Variants in ANKFN1 observed in about 807,000 individuals in gnomAD.
ANKFN1 encodes ankyrin repeat and fibronectin type-III domain-containing protein 1.
A neutral mutation model predicts 108.7 loss-of-function variants in ANKFN1; 74 were observed. The observed-to-expected ratio is 0.68, with a 90% CI of 0.56 to 0.83. The LOEUF is 0.83. ANKFN1 is among the 40% of genes least tolerant of loss of function. The probability of loss-of-function intolerance (pLI) is 0.00; values close to 1 mark genes in which losing one functional copy is unlikely to be tolerated. For missense variants in ANKFN1, 1,505 were observed against 1,382.3 expected, an observed-to-expected ratio of 1.09 and a Z score of -1.41; for synonymous variants, 547 against 516.2, an observed-to-expected ratio of 1.06 and a Z score of -0.81.
At chr17:56,088,189 A>T (rs796729732) in intron 4 of ANKFN1, among the ~76,000 whole-genome samples, 1 of 151,304 alleles carries the variant, frequency 6.6e-6, no homozygotes, top group Non-Finnish European at 1.5e-5. Context: ...TGATTAACAC[A>T]TCTCGTTTTT....
intron 3 of ANKFN1, among the ~76,000 whole-genome samples, chr17:56,315,992 C>T (rs1460795141): frequency 6.6e-6 from 1 of 152,204 alleles, no homozygotes; most frequent in Non-Finnish European, 1.5e-5. Flanking sequence ...TCTTTCTTCT[C>T]CAATTCATTA....
At chr17:56,446,899 C>T (rs967301369) in intron 10 of ANKFN1, among the ~76,000 whole-genome samples, 24 of 150,964 alleles carry the variant, frequency 1.6e-4, no homozygotes, top group South Asian at 2.1e-4. Flanking sequence ...AATGAGACTC[C>T]GTCTCAAAAC....
At chr17:56,198,549 G>T (rs1426254506) in intron 1 of ANKFN1, among the ~76,000 whole-genome samples, 1 of 152,198 alleles carries the variant, frequency 6.6e-6, no homozygotes, top group Middle Eastern at 3.2e-3. Flanking sequence ...CCAGTCTGCA[G>T]CCTGGGGGTT....
chr17:56,278,937 GA>G (rs954275520), intron 3 of ANKFN1, among the ~76,000 whole-genome samples: 54 of 152,272 alleles, frequency 3.5e-4, no homozygotes, highest in African/African-American at 1.3e-3. Context: ...ATTTAGTGTG[GA>G]TTTTTTTTTT....
intron 8 of ANKFN1, among the ~76,000 whole-genome samples, chr17:56,419,206 G>A (rs1598573502): frequency 6.6e-6 from 1 of 152,202 alleles, no homozygotes; most frequent in South Asian, 2.1e-4. Flanking sequence ...TTGGGGCCAG[G>A]TGCAGTGGCT....
chr17:56,197,057 T>A (rs1913580651), intron 1 of ANKFN1, among the ~76,000 whole-genome samples: 1 of 152,232 alleles, frequency 6.6e-6, no homozygotes, highest in Non-Finnish European at 1.5e-5. Flanking sequence ...GAAAGAAGAT[T>A]TGTCTCCCAG....
intron 3 of ANKFN1, among the ~76,000 whole-genome samples, chr17:56,260,922 C>T (rs1598318725): frequency 6.6e-6 from 1 of 152,220 alleles, no homozygotes; most frequent in Non-Finnish European, 1.5e-5. Context: ...AGTTAACTTA[C>T]TCCTCTTTTG....
intron 3 of ANKFN1, among the ~76,000 whole-genome samples, chr17:56,233,158 G>A (rs1916860948): frequency 6.6e-6 from 1 of 151,992 alleles, no homozygotes; most frequent in African/African-American, 2.4e-5. Flanking sequence ...TAGTTGTATT[G>A]TTGTTGCTTT....
At chr17:56,094,801 T>A (rs115587405) in intron 4 of ANKFN1, among the ~76,000 whole-genome samples, 8 of 150,358 alleles carry the variant, frequency 5.3e-5, no homozygotes, top group African/African-American at 2.0e-4. Context: ...ATTACAGGCA[T>A]GAGCCATAGC....
chr17:56,275,394 C>T (rs1298998142), intron 3 of ANKFN1, among the ~76,000 whole-genome samples: 7 of 151,090 alleles, frequency 4.6e-5, no homozygotes, highest in Non-Finnish European at 8.8e-5. Context: ...ATAGAGGTTT[C>T]GGCTGAATAC....
intron 4 of ANKFN1, among the ~76,000 whole-genome samples, chr17:56,347,631 C>A (rs1206486713): frequency 6.6e-6 from 1 of 151,982 alleles, no homozygotes; most frequent in Admixed American, 6.6e-5. Flanking sequence ...AGAAAGTTGT[C>A]TTTCTTACCA....
At chr17:56,186,808 T>A (rs1912256159) in intron 1 of ANKFN1, among the ~76,000 whole-genome samples, 1 of 152,136 alleles carries the variant, frequency 6.6e-6, no homozygotes, top group Non-Finnish European at 1.5e-5. Flanking sequence ...CACGGGGCTG[T>A]AGATGGACAA....
intron 3 of ANKFN1, chr17:56,254,145 G>C (rs927564686): frequency 3.3e-5 from 5 of 152,186 alleles, no homozygotes; most frequent in Non-Finnish European, 7.3e-5. Context: ...AATGCTTAGA[G>C]GAGCAAAGGC....
In ANKFN1 at chr17:56,374,710, T is replaced by A; in HGVS notation, c.906T>A (p.Tyr302Ter). 1 of 1,607,996 alleles carries A rather than the reference T, an allele frequency of 6.2e-7. No individual in the cohort carries two copies. Among genetic ancestry groups the A allele is most frequent in the Non-Finnish European group, 8.5e-7 (1 of 1,175,072 alleles). Residue 302 changes from tyrosine (Y) to a stop codon, truncating the protein, a stop_gained, in exon 8 of 21, where the codon TAT (tyrosine) becomes TAA (stop). Transcript: ENST00000682825. LOFTEE classifies it high-confidence loss of function. ...LSVNAAVVTR[Y>*]KVEWSMSEDF... ...TCAATGCAGCTGTAGTAACCAGGTA[T>A]AAAGGTACTGGACCCAAGACATGTT...
chr17:56,385,464 A>G (rs2144841474), intron 8 of ANKFN1, among the ~76,000 whole-genome samples: 1 of 152,330 alleles, frequency 6.6e-6, no homozygotes, highest in East Asian at 1.9e-4. Context: ...GTCAAAATTG[A>G]CAAATGGGAT....
intron 18 of ANKFN1, among the ~76,000 whole-genome samples, chr17:56,489,512 T>G (rs2050963998): frequency 6.7e-6 from 1 of 149,724 alleles, no homozygotes; most frequent in Non-Finnish European, 1.5e-5. Flanking sequence ...TGAAACCTCC[T>G]CATAACTCAC....
chr17:56,122,198 A>G (rs1906665693), intron 4 of ANKFN1, among the ~76,000 whole-genome samples: 1 of 152,228 alleles, frequency 6.6e-6, no homozygotes, highest in Admixed American at 6.5e-5. Flanking sequence ...ATATATTCTC[A>G]GTAAAATATC....
At chr17:56,091,280 A>G (rs1332925076) in intron 4 of ANKFN1, among the ~76,000 whole-genome samples, 1 of 151,334 alleles carries the variant, frequency 6.6e-6, no homozygotes, top group African/African-American at 2.4e-5. Flanking sequence ...GTAAAACACA[A>G]TGAAACTGTA....
Position 56,510,837 on chromosome 17 carries a change from C to T in ANKFN1, c.3009C>T (p.Gly1003=). The change falls in exon 21 of 21, where the codon GGC becomes GGT. Residue 1003 remains glycine, a synonymous_variant. Transcript: ENST00000682825. ...GCTTCCTGGGAAAGCGGAAGCCAGG[C>T]AAGCACCCCCACTATGGCGGCTTCA... The part of the protein sequence containing the change: ...PLGFLGKRKP[G]KHPHYGGFSR... The T allele has an allele frequency of 6.5e-7, 1 of 1,536,182 alleles. No homozygotes were observed. Among genetic ancestry groups the T allele is most frequent in the Non-Finnish European group, 8.7e-7 (1 of 1,146,920 alleles).
Sources: allele counts gnomAD v4.1 joint callset (sites outside exome capture counted in the v4.1 genomes callset), GRCh38; gene constraint gnomAD v4.1.1; transcripts MANE v1.5; gene names NCBI Gene and HGNC (gene_info 2026-07-23, HGNC 2026-07-21).